The following ATAD2B variants were observed in gnomAD, a reference collection of about 807,000 sequenced individuals.
ATAD2B encodes ATPase family AAA domain containing 2B.
A neutral mutation model predicts 167.6 loss-of-function variants in ATAD2B; 40 were observed. The ratio of observed to expected loss-of-function variants is 0.24; its 90% CI spans 0.19 to 0.31. The LOEUF (loss-of-function observed/expected upper bound fraction) is 0.31, where lower values mean the gene tolerates loss of function less well. Ranked by LOEUF, ATAD2B falls within the 10% of genes least tolerant of loss-of-function variation. The pLI is 1.00. For missense variants in ATAD2B, 1,242 were observed against 1,757.2 expected (o/e 0.71, Z 5.24); for synonymous variants, 579 against 596.5 (o/e 0.97, Z 0.43).
intron 22 of ATAD2B, among the ~76,000 whole-genome samples, chr2:23,769,437 CTCTT>C (rs948385376): frequency 1.4e-4 from 21 of 151,546 alleles, no homozygotes; most frequent in African/African-American, 4.6e-4. Flanking sequence ...AAGACAGCGT[CTCTT>C]TATTTATTTA....
intron 1 of ATAD2B, among the ~76,000 whole-genome samples, chr2:23,923,320 G>A (rs188411044): frequency 1.5e-4 from 23 of 152,264 alleles, no homozygotes; most frequent in African/African-American, 4.8e-4. Flanking sequence ...CAAATTCACA[G>A]AAGCAGAGAG....
intron 1 of ATAD2B, among the ~76,000 whole-genome samples, chr2:23,910,438 A>C (rs1455624543): frequency 6.7e-6 from 1 of 150,112 alleles, no homozygotes; most frequent in African/African-American, 2.4e-5. Context: ...TAGGCCTCCC[A>C]AAGTGCTGAG....
chr2:23,711,946 T>C, the ATAD2B span, among the ~76,000 whole-genome samples: 102,242 of 152,074 alleles, frequency 0.67, 35,372 homozygotes, highest in East Asian at 0.85. Flanking sequence ...GGCATAGGGC[T>C]TCATCTTCAC....
chr2:23,916,161 T>A (rs142473147), intron 1 of ATAD2B, among the ~76,000 whole-genome samples: 176 of 152,332 alleles, frequency 1.2e-3, no homozygotes, highest in African/African-American at 4.0e-3. Flanking sequence ...AAAGAGTCAG[T>A]ATTCCACACA....
the ATAD2B span, among the ~76,000 whole-genome samples, chr2:23,740,896 T>C: frequency 3.2e-4 from 49 of 152,242 alleles, no homozygotes; most frequent in African/African-American, 1.2e-3. Context: ...ACAAGCACTC[T>C]TATACACCAA....
At chr2:23,906,034 T>C (rs1488951939) in intron 1 of ATAD2B, among the ~76,000 whole-genome samples, 2 of 152,134 alleles carry the variant, frequency 1.3e-5, no homozygotes, top group African/African-American at 2.4e-5. Flanking sequence ...GTAATTCCAC[T>C]TTATCTAAAA....
At chr2:23,728,157 G>A in the ATAD2B span, among the ~76,000 whole-genome samples, 1 of 152,066 alleles carries the variant, frequency 6.6e-6, no homozygotes, top group African/African-American at 2.4e-5. Flanking sequence ...AGGGGGTGGA[G>A]TGGGAGACGA....
intron 1 of ATAD2B, 136 bp from the exon 2 acceptor site, chr2:23,896,106 A>G: frequency 1.9e-6 from 1 of 514,964 alleles, no homozygotes. Context: ...ACTTGAGGTC[A>G]GGAGTTCAAG....
chr2:23,768,066 T>G (rs1299808272), intron 22 of ATAD2B, among the ~76,000 whole-genome samples: 1 of 152,220 alleles, frequency 6.6e-6, no homozygotes. Flanking sequence ...ATTCTCTTTA[T>G]GAACAAAAAC....
intron 12 of ATAD2B, among the ~76,000 whole-genome samples, chr2:23,862,993 T>A (rs1290933744): frequency 6.6e-6 from 1 of 152,182 alleles, no homozygotes. Flanking sequence ...GAATATAACA[T>A]ATTGGATGGA....
intron 1 of ATAD2B, among the ~76,000 whole-genome samples, chr2:23,923,604 C>A (rs1573479870): frequency 6.6e-6 from 1 of 151,622 alleles, no homozygotes; most frequent in East Asian, 1.9e-4. Flanking sequence ...ATACTTATCT[C>A]CAAACTCACA....
rs751203914 is a variant in ATAD2B, at chr2:23,762,373, C to T, written c.3257-27G>A. 6.3e-6 allele frequency: 10 copies of T among 1,591,090 alleles called. No individual in the cohort carries two copies. The African/African-American group carries it at 1.2e-4, about 19-fold the overall frequency. ...TGCAAGCAGAAGATAAGCAATACCT[C>T]TTTAAATATTCCCAGCTACATAAAC... On this transcript the variant is annotated intron_variant, in intron 23 of 27. Coordinates refer to ENST00000238789, the MANE Select transcript of ATAD2B (RefSeq NM_017552.4).
At chr2:23,778,645 C>T (rs1412275446) in intron 22 of ATAD2B, among the ~76,000 whole-genome samples, 1 of 152,178 alleles carries the variant, frequency 6.6e-6, no homozygotes, top group African/African-American at 2.4e-5. Context: ...CTGCTAAAGG[C>T]TTAAGATATT....
the ATAD2B span, chr2:23,693,613 G>GGTTCAC: frequency 7.3e-7 from 1 of 1,376,518 alleles, no homozygotes; most frequent in Non-Finnish European, 1.0e-6. Context: ...GAGGAAGGAA[G>GGTTCAC]TGAACCTTCC....
intron 1 of ATAD2B, among the ~76,000 whole-genome samples, chr2:23,910,658 A>C (rs1702157895): frequency 6.7e-6 from 1 of 149,176 alleles, no homozygotes; most frequent in Non-Finnish European, 1.5e-5. Context: ...ACCTGAGGTC[A>C]GAAGTTTGAG....
At chr2:23,852,687 G>A (rs971147165) in intron 13 of ATAD2B, among the ~76,000 whole-genome samples, 2 of 152,148 alleles carry the variant, frequency 1.3e-5, no homozygotes, top group Non-Finnish European at 2.9e-5. Context: ...GGGAGGCCGA[G>A]GCAGGTGGAT....
chr2:23,893,863 T>G (rs1299300922), intron 2 of ATAD2B, among the ~76,000 whole-genome samples: 1 of 151,680 alleles, frequency 6.6e-6, no homozygotes, highest in Non-Finnish European at 1.5e-5. Flanking sequence ...GAGGTCTCAC[T>G]ATGTTGCCCA....
At chr2:23,765,425 C>T in intron 23 of ATAD2B, 81 bp downstream of exon 23, 1 of 1,172,680 alleles carries the variant, frequency 8.5e-7, no homozygotes, top group Non-Finnish European at 1.1e-6. Flanking sequence ...TACCAGCAAT[C>T]CTAAAGAAAC....
intron 1 of ATAD2B, among the ~76,000 whole-genome samples, chr2:23,907,540 T>C (rs561879262): frequency 2.6e-5 from 4 of 152,322 alleles, no homozygotes; most frequent in Middle Eastern, 6.8e-3. Context: ...ATGGCCATAC[T>C]GCTCAAGGTA....
Sources: gnomAD v4.1 joint callset for allele counts (sites outside exome capture counted in the v4.1 genomes callset) on GRCh38, gnomAD v4.1.1 for gene constraint, MANE v1.5 for transcripts, NCBI Gene and HGNC (gene_info 2026-07-23, HGNC 2026-07-21) for gene names.